Variants in SLC24A1 observed in about 807,000 individuals in gnomAD.
SLC24A1 encodes the protein sodium/potassium/calcium exchanger 1.
A neutral mutation model predicts 88.1 loss-of-function variants in SLC24A1; 52 were observed. That is an observed-to-expected ratio of 0.59 (90% CI 0.47 to 0.74). SLC24A1 has a LOEUF of 0.74. Among genes scored for constraint, SLC24A1 ranks in the 30% least tolerant of loss-of-function variants. SLC24A1 has a pLI of 0.00. For synonymous variants in SLC24A1, 455 were observed against 498.0 expected (o/e 0.91, Z 1.15); for missense variants, 1,173 against 1,363.3 (o/e 0.86, Z 2.20).
chr15:65,648,520 C>T (rs1330557526), intron 6 of SLC24A1, among the ~76,000 whole-genome samples: 2 of 150,996 alleles, frequency 1.3e-5, no homozygotes, highest in African/African-American at 2.4e-5. Context: ...CTTGCTCTGT[C>T]GCCTAGGCTG....
Position 65,623,946 on chromosome 15 carries a change from C to T in SLC24A1, c.-126-9C>T. On this transcript the variant is annotated splice_polypyrimidine_tract_variant and intron_variant, in intron 1 of 9. Coordinates refer to ENST00000261892, the MANE Select transcript of SLC24A1 (RefSeq NM_004727.3). ...AGTGGTAAATAATCTCTTTTTTTTA[C>T]CCACCTAGGGTTGTGGATACCCCCT... 1 of 680,874 alleles carries T rather than the reference C, an allele frequency of 1.5e-6. No homozygotes were observed. The highest frequency in any genetic ancestry group is 2.5e-6 in the Non-Finnish European group (1 of 401,010). The allele number at this position is 680,874 out of a possible 1,614,324, so 42.2% of individuals were successfully genotyped here.
intron 4 of SLC24A1, among the ~76,000 whole-genome samples, chr15:65,640,631 A>G (rs2075093360): frequency 6.6e-6 from 1 of 152,146 alleles, no homozygotes; most frequent in Admixed American, 6.5e-5. Flanking sequence ...ATATGACACC[A>G]CAGAATGATC....
In SLC24A1 at chr15:65,652,701, C is replaced by T. The variant is rs746274356; in HGVS notation, c.2943C>T (p.Gly981=). The T allele has an allele frequency of 1.2e-5, 20 of 1,613,744 alleles. No homozygotes were observed. Among genetic ancestry groups the T allele is most frequent in the Non-Finnish European group, 1.7e-5 (20 of 1,179,846 alleles). ...EIMGLTILAA[G]TSIPDLITSV... is the part of the protein sequence containing the mutation. ...TGGGCCTGACAATCCTTGCAGCAGGCACATCAATTCCTGACCTCATCACCA... is the reference window on the plus strand; with the variant it reads ...TGGGCCTGACAATCCTTGCAGCAGGTACATCAATTCCTGACCTCATCACCA... The change falls in exon 9 of 10, where the codon GGC becomes GGT. Residue 981 remains glycine (G), a synonymous_variant. Transcript: ENST00000261892.
At chr15:65,648,273 A>G (rs1045058068) in intron 6 of SLC24A1, among the ~76,000 whole-genome samples, 19 of 152,108 alleles carry the variant, frequency 1.2e-4, no homozygotes, top group African/African-American at 4.1e-4. Context: ...ACAAAAAAAA[A>G]AGCCTTCAGG....
intron 2 of SLC24A1, among the ~76,000 whole-genome samples, chr15:65,637,001 A>G (rs1281572898): frequency 6.6e-6 from 1 of 152,094 alleles, no homozygotes; most frequent in Non-Finnish European, 1.5e-5. Flanking sequence ...CAAGGAAGGG[A>G]AACAGATAAC....
chr15:65,647,073 C>T (rs1326551573), intron 6 of SLC24A1, among the ~76,000 whole-genome samples: 1 of 152,202 alleles, frequency 6.6e-6, no homozygotes, highest in African/African-American at 2.4e-5. Context: ...TCATGGGCCT[C>T]TCTTGGCAGG....
chr15:65,635,989 T>A (rs1009033126), intron 2 of SLC24A1, among the ~76,000 whole-genome samples: 1 of 152,224 alleles, frequency 6.6e-6, no homozygotes, highest in African/African-American at 2.4e-5. Flanking sequence ...GTTGGAGGGA[T>A]GGCTGAGTGG....
intron 2 of SLC24A1, among the ~76,000 whole-genome samples, chr15:65,637,111 A>T (rs57840714): frequency 8.7e-4 from 131 of 149,936 alleles, no homozygotes; most frequent in African/African-American, 2.4e-3. Flanking sequence ...TGCTTTTTTT[A>T]AAAAAAAAGT....
downstream of SLC24A1, chr15:65,656,266 T>C: frequency 1.0e-6 from 1 of 983,506 alleles, no homozygotes; most frequent in Non-Finnish European, 1.2e-6. Context: ...TCTGACATCC[T>C]TTTCCCAGTT....
Position 65,624,271 on chromosome 15 carries a change from G to T in SLC24A1, c.191G>T (p.Ser64Ile). The T allele has an allele frequency of 1.2e-6, 2 of 1,613,868 alleles. No individual in the cohort carries two copies. The highest frequency in any genetic ancestry group is 1.7e-6 in the Non-Finnish European group (2 of 1,179,846). ...VSSHQPIKLASRDLSSEEMMM... is the reference protein window; with the variant it reads ...VSSHQPIKLAIRDLSSEEMMM... ...TCTCATCAGCCTATAAAACTGGCCA[G>T]TCGGGACCTCTCCAGTGAAGAGATG... The change falls in exon 2 of 10, where the codon AGT (serine) becomes ATT (isoleucine). Residue 64 changes from serine to isoleucine, a missense_variant. Coordinates refer to ENST00000261892, the MANE Select transcript of SLC24A1 (RefSeq NM_004727.3).
At chr15:65,652,049 C>T (rs1299714312) in intron 8 of SLC24A1, 3 of 409,014 alleles carry the variant, frequency 7.3e-6, no homozygotes, top group Non-Finnish European at 1.4e-5. Flanking sequence ...GCCATGTACC[C>T]ATCCCTCTCA....
chr15:65,611,587 CCT>C, exon 1 of SLC24A1: 1 of 223,512 alleles, frequency 4.5e-6, no homozygotes, highest in South Asian at 7.0e-5. Context: ...TCTTTAGCCC[CCT>C]CTCTCGTATC....
upstream of SLC24A1, among the ~76,000 whole-genome samples, chr15:65,617,036 A>G (rs2074167937): frequency 6.6e-6 from 1 of 152,016 alleles, no homozygotes. Context: ...ATGGTTGTAG[A>G]TGTGTGGTGT....
chr15:65,646,158 C>T (rs942716020), intron 6 of SLC24A1, among the ~76,000 whole-genome samples: 1 of 152,230 alleles, frequency 6.6e-6, no homozygotes, highest in Non-Finnish European at 1.5e-5. Flanking sequence ...GATACTGCCC[C>T]GTCTTTACAG....
intron 4 of SLC24A1, among the ~76,000 whole-genome samples, chr15:65,640,774 A>G (rs1427593252): frequency 6.6e-6 from 1 of 152,056 alleles, no homozygotes; most frequent in African/African-American, 2.4e-5. Flanking sequence ...AAAAAAAAAT[A>G]CCAGCCAGGC....
In SLC24A1 at chr15:65,624,238, C is replaced by T; in HGVS notation, c.158C>T (p.Ala53Val). The T allele has an allele frequency of 1.2e-6, 2 of 1,613,920 alleles. No individual in the cohort carries two copies. Among genetic ancestry groups the T allele is most frequent in the East Asian group, 2.2e-5 (1 of 44,880 alleles). ...CGGGGCCTTTCCTCATTGTGGGCAG[C>T]AGTCTCTTCTCATCAGCCTATAAAA... ...RPRGLSSLWA[A>V]VSSHQPIKLA... is the part of the protein sequence containing the mutation. The change falls in exon 2 of 10, where the codon GCA becomes GTA. Residue 53 changes from alanine to valine, a missense_variant. By Grantham distance (64) the Ala-to-Val change is moderately conservative (BLOSUM62 0). Coordinates refer to ENST00000261892, the MANE Select transcript of SLC24A1 (RefSeq NM_004727.3).
chr15:65,629,417 C>T (rs1162461073), intron 2 of SLC24A1, among the ~76,000 whole-genome samples: 1 of 152,140 alleles, frequency 6.6e-6, no homozygotes, highest in African/African-American at 2.4e-5. Context: ...AAATTCAAAG[C>T]TAAAAATATT....
upstream of SLC24A1, among the ~76,000 whole-genome samples, chr15:65,621,248 GGT>G (rs2074308869): frequency 6.6e-6 from 1 of 152,190 alleles, no homozygotes. Context: ...CCAGATCAAT[GGT>G]TAGGATCACA....
chr15:65,649,985 G>A (rs1262668035), intron 6 of SLC24A1, among the ~76,000 whole-genome samples: 2 of 152,240 alleles, frequency 1.3e-5, no homozygotes, highest in Admixed American at 1.3e-4. Context: ...GCCATAGCAT[G>A]TAGAAATGAT....
Sources: allele counts gnomAD v4.1 joint callset (sites outside exome capture counted in the v4.1 genomes callset), GRCh38; gene constraint gnomAD v4.1.1; transcripts MANE v1.5; gene names NCBI Gene and HGNC (gene_info 2026-07-23, HGNC 2026-07-21).